The following CADM2 variants were observed in gnomAD, a reference collection of about 807,000 sequenced individuals.
CADM2 encodes the protein cell adhesion molecule 2.
CADM2 carries 12 observed loss-of-function variants against 49.8 expected under a neutral mutation model. The ratio of observed to expected loss-of-function variants is 0.24; its 90% CI spans 0.15 to 0.39. The LOEUF (loss-of-function observed/expected upper bound fraction) is 0.39, where lower values mean the gene tolerates loss of function less well. Ranked by LOEUF, CADM2 falls within the 10% of genes least tolerant of loss-of-function variation. CADM2 has a pLI of 1.00. For synonymous variants in CADM2, 214 were observed against 175.4 expected (o/e 1.22, Z -1.74); for missense variants, 378 against 492.3 (o/e 0.77, Z 2.20).
intron 3 of CADM2, among the ~76,000 whole-genome samples, chr3:85,824,759 T>C (rs2073809299): frequency 6.6e-6 from 1 of 152,022 alleles, no homozygotes; most frequent in Non-Finnish European, 1.5e-5. Flanking sequence ...GTCTATCCTG[T>C]ATGGAGCAAG....
At chr3:85,494,291 C>T (rs548819828) in intron 1 of CADM2, among the ~76,000 whole-genome samples, 7 of 152,078 alleles carry the variant, frequency 4.6e-5, no homozygotes, top group Non-Finnish European at 1.0e-4. Flanking sequence ...TTTTAAAAAA[C>T]ATCACAGTCA....
At chr3:85,843,389 G>A (rs1169133751) in intron 3 of CADM2, among the ~76,000 whole-genome samples, 3 of 146,226 alleles carry the variant, frequency 2.1e-5, no homozygotes, top group Non-Finnish European at 3.0e-5. Flanking sequence ...ACCCAACCCC[G>A]CCCCCCAACC....
chr3:85,899,289 T>C lies in CADM2; in HGVS notation c.529+12962T>C, dbSNP rs1020694932. Among the ~76,000 whole-genome samples the C allele has an allele frequency of 1.1e-4, 16 of 152,238 alleles. No homozygotes were observed. In the East Asian group the frequency reaches 2.5e-3, roughly 24 times the overall value. On this transcript the variant is annotated intron_variant, in intron 5 of 9. Transcript: ENST00000383699. ...CAATATTACTATTATATTTTAGTTT[T>C]ATGAATCATGCTTTAGTTTTGTATG... is the stretch of plus-strand genomic sequence containing the variant.
chr3:85,241,019 TA>T (rs1170438015), intron 1 of CADM2, among the ~76,000 whole-genome samples: 1 of 151,470 alleles, frequency 6.6e-6, no homozygotes, highest in East Asian at 1.9e-4. Context: ...GGTTTCAAAA[TA>T]GATGACATAG....
intron 8 of CADM2, among the ~76,000 whole-genome samples, chr3:86,038,048 C>T (rs1735391727): frequency 6.6e-6 from 1 of 152,088 alleles, no homozygotes; most frequent in Non-Finnish European, 1.5e-5. Context: ...TATGTGTTCT[C>T]ATTGTTCACC....
intron 7 of CADM2, among the ~76,000 whole-genome samples, chr3:85,959,044 ATATATCTATATATC>A (rs1302451456): frequency 4.0e-5 from 6 of 150,724 alleles, no homozygotes; most frequent in Non-Finnish European, 8.9e-5. Context: ...ATCTATATCT[ATATATCTATATATC>A]TATATCTATA....
chr3:85,150,131 A>T (rs2039876163), intron 1 of CADM2, among the ~76,000 whole-genome samples: 1 of 152,166 alleles, frequency 6.6e-6, no homozygotes, highest in Non-Finnish European at 1.5e-5. Flanking sequence ...TCTATTTGAG[A>T]GTTATATTTG....
intron 1 of CADM2, among the ~76,000 whole-genome samples, chr3:85,004,022 G>A (rs1444347038): frequency 1.3e-5 from 2 of 151,872 alleles, no homozygotes; most frequent in Non-Finnish European, 2.9e-5. Flanking sequence ...ATGTTTTTTC[G>A]GTTCACAAAC....
At chr3:85,334,767 C>T (rs983751348) in intron 1 of CADM2, among the ~76,000 whole-genome samples, 1 of 151,374 alleles carries the variant, frequency 6.6e-6, no homozygotes, top group Non-Finnish European at 1.5e-5. Flanking sequence ...ATTTTGATTA[C>T]TGACTTAGTT....
chr3:85,751,533 T>G (rs753898786), intron 2 of CADM2, among the ~76,000 whole-genome samples: 13 of 152,208 alleles, frequency 8.5e-5, no homozygotes, highest in Admixed American at 2.6e-4. Flanking sequence ...CATCAGAGAC[T>G]TGTCATCAAT....
At chr3:85,863,088 G>C (rs1350044656) in intron 3 of CADM2, among the ~76,000 whole-genome samples, 2 of 152,098 alleles carry the variant, frequency 1.3e-5, no homozygotes, top group African/African-American at 4.8e-5. Context: ...AATAGGTATA[G>C]TCTGGAGACA....
intron 3 of CADM2, among the ~76,000 whole-genome samples, chr3:85,844,193 C>T (rs902224851): frequency 2.0e-5 from 3 of 151,972 alleles, no homozygotes; most frequent in Admixed American, 2.0e-4. Flanking sequence ...CTACAGAGAA[C>T]CTTTTTTCAA....
chr3:85,665,850 T>A (rs1026620324), intron 1 of CADM2, among the ~76,000 whole-genome samples: 7 of 151,988 alleles, frequency 4.6e-5, no homozygotes, highest in Admixed American at 4.6e-4. Flanking sequence ...TAAATCTTAT[T>A]ATGGGATCCA....
In CADM2 at chr3:85,346,472, G is replaced by A. The variant is rs1404510736; in HGVS notation, c.62-380050G>A. ...TCTTTAATAGCACATGTGATCAGAT[G>A]CATTAAGATGATTATTCAGATGAAA... On this transcript the variant is annotated intron_variant, in intron 1 of 9. Coordinates refer to ENST00000383699, the MANE Select transcript of CADM2 (RefSeq NM_001167675.2). 2.6e-5 allele frequency among the ~76,000 whole-genome samples: 4 copies of A among 152,174 alleles called. No individual in the cohort carries two copies. In the East Asian group the frequency reaches 7.7e-4, roughly 29 times the overall value.
chr3:85,515,233 A>C (rs545933522), intron 1 of CADM2, among the ~76,000 whole-genome samples: 11 of 152,242 alleles, frequency 7.2e-5, no homozygotes, highest in Admixed American at 2.6e-4. Context: ...CATTTAGGCT[A>C]TAATTTGAGA....
chr3:85,273,036 G>A (rs559035950), intron 1 of CADM2, among the ~76,000 whole-genome samples: 1 of 151,172 alleles, frequency 6.6e-6, no homozygotes, highest in Non-Finnish European at 1.5e-5. Flanking sequence ...TCATTGCTAA[G>A]GCTGTGATTT....
chr3:85,216,480 G>T (rs2041931368), intron 1 of CADM2, among the ~76,000 whole-genome samples: 2 of 151,188 alleles, frequency 1.3e-5, no homozygotes, highest in South Asian at 4.2e-4. Context: ...AGATTAATTT[G>T]CAATAATTGA....
chr3:85,118,383 G>A (rs141300513), intron 1 of CADM2, among the ~76,000 whole-genome samples: 1 of 152,090 alleles, frequency 6.6e-6, no homozygotes, highest in Non-Finnish European at 1.5e-5. Flanking sequence ...CCCAAAACTG[G>A]GTAATTTATA....
intron 1 of CADM2, among the ~76,000 whole-genome samples, chr3:85,618,755 CAT>C (rs1485293705): frequency 1.3e-5 from 2 of 151,912 alleles, no homozygotes; most frequent in Non-Finnish European, 2.9e-5. Flanking sequence ...TATTTTTTAT[CAT>C]AAATTTAAAT....
Sources: gnomAD v4.1 joint callset for allele counts (sites outside exome capture counted in the v4.1 genomes callset) on GRCh38, gnomAD v4.1.1 for gene constraint, MANE v1.5 for transcripts, NCBI Gene and HGNC (gene_info 2026-07-23, HGNC 2026-07-21) for gene names.